Variants in APBA2 observed in about 807,000 individuals in gnomAD.
The protein encoded by APBA2 is amyloid beta precursor protein binding family A member 2.
Under a neutral mutation model 75.0 loss-of-function variants are expected in APBA2, and 30 were observed. The observed-to-expected ratio is 0.40, with a 90% CI of 0.30 to 0.54. APBA2 has a LOEUF of 0.54. Among genes scored for constraint, APBA2 ranks in the 20% least tolerant of loss-of-function variants. APBA2 has a pLI of 0.49. For synonymous variants in APBA2, 444 were observed against 409.6 expected (o/e 1.08, Z -1.01); for missense variants, 801 against 1,016.1 (o/e 0.79, Z 2.88).
At position 29,054,871 on chromosome 15, in the gene APBA2, G is replaced by A. The variant is rs766916674; in HGVS notation, c.951+36G>A. On this transcript the variant is annotated intron_variant, in intron 4 of 14. Coordinates refer to ENST00000683413, the MANE Select transcript of APBA2 (RefSeq NM_001353788.2). This position sits in a 1 kb window ranked among gnomAD's most constrained non-coding sequence, Gnocchi z 6.1. Reference sequence around the variant, plus strand: ...GGCTGTCCTGGGGAAGGGAGCAGAGGGGCCCGAGAGCAAGGGACCTCAGGG... The same window carrying A: ...GGCTGTCCTGGGGAAGGGAGCAGAGAGGCCCGAGAGCAAGGGACCTCAGGG... 4 of 1,573,002 alleles carry A rather than the reference G, an allele frequency of 2.5e-6. No homozygotes were observed. The African/African-American group carries it at 4.0e-5, about 16-fold the overall frequency.
chr15:29,084,507 C>A (rs1322921816), intron 6 of APBA2, among the ~76,000 whole-genome samples: 1 of 152,156 alleles, frequency 6.6e-6, no homozygotes, highest in African/African-American at 2.4e-5. Flanking sequence ...TACATCATAG[C>A]CTCTTTAAAT....
chr15:28,890,161 C>G (rs548070381), intron 1 of APBA2, among the ~76,000 whole-genome samples: 1 of 152,320 alleles, frequency 6.6e-6, no homozygotes, highest in South Asian at 2.1e-4. Context: ...GCATGTAGCA[C>G]AGACCCTCAC....
At chr15:29,109,259 C>G (rs998374543) in intron 13 of APBA2, among the ~76,000 whole-genome samples, 4 of 152,192 alleles carry the variant, frequency 2.6e-5, no homozygotes, top group African/African-American at 4.8e-5. Flanking sequence ...CCATTGTTTT[C>G]TGGTGAAGCA....
intron 3 of APBA2, among the ~76,000 whole-genome samples, chr15:29,049,172 T>C (rs2041481102): frequency 6.6e-6 from 1 of 152,176 alleles, no homozygotes; most frequent in Non-Finnish European, 1.5e-5. Context: ...TGGGAAACTT[T>C]TATGAATACT....
chr15:29,098,709 G>GC lies in APBA2; in HGVS notation c.1338+136dup, dbSNP rs2043973795. The GC allele has an allele frequency of 2.8e-5, 22 of 799,340 alleles. No individual in the cohort carries two copies. In the South Asian group the frequency reaches 3.2e-4, roughly 12 times the overall value. 49.5% of individuals were successfully genotyped at this position (799,340 alleles called of 1,614,324 possible). A position where few individuals can be genotyped will look rare whatever the true frequency, so the allele number is the denominator to read the frequency against. The stretch of plus-strand genomic sequence containing the variant: ...TGCGCCCATCAACCCAAGGCCCATA[G>GC]CCCGGGCTGCGGGAGGAGCAAGGAG... On this transcript the variant is annotated intron_variant, in intron 9 of 14. Coordinates refer to ENST00000683413, the MANE Select transcript of APBA2 (RefSeq NM_001353788.2).
chr15:29,009,290 G>A (rs1169911346), intron 3 of APBA2, among the ~76,000 whole-genome samples: 2 of 152,106 alleles, frequency 1.3e-5, no homozygotes, highest in East Asian at 1.9e-4. Flanking sequence ...CTCAGAACGC[G>A]CACCTGGAGT....
chr15:29,063,710 A>AGAT (rs965414890), intron 4 of APBA2, among the ~76,000 whole-genome samples: 10 of 147,054 alleles, frequency 6.8e-5, no homozygotes, highest in East Asian at 2.1e-4. Context: ...GTGCTTGTGC[A>AGAT]GATGATGATG....
intron 6 of APBA2, among the ~76,000 whole-genome samples, chr15:29,077,549 G>A (rs527716071): frequency 3.0e-4 from 46 of 152,304 alleles, no homozygotes; most frequent in African/African-American, 1.1e-3. Context: ...CAGTGTCAGT[G>A]CCTGGGGTAC....
chr15:29,113,512 T>A (rs1373599528), intron 13 of APBA2, among the ~76,000 whole-genome samples: 1 of 152,088 alleles, frequency 6.6e-6, no homozygotes, highest in Non-Finnish European at 1.5e-5. Flanking sequence ...GCTAAGTGCC[T>A]GTCTTCCAGG....
chr15:28,888,087 A>G (rs890964235), intron 1 of APBA2, among the ~76,000 whole-genome samples: 20 of 152,048 alleles, frequency 1.3e-4, no homozygotes, highest in Non-Finnish European at 2.6e-4. Context: ...CCTAGACTCA[A>G]GTTGTGGCCT....
chr15:29,021,396 C>T (rs867225402), intron 3 of APBA2, among the ~76,000 whole-genome samples: 4 of 152,170 alleles, frequency 2.6e-5, no homozygotes, highest in South Asian at 4.2e-4. Context: ...GGCATGGTGG[C>T]GCGCGCCTGT....
chr15:28,931,318 C>G (rs2034551639), intron 2 of APBA2, among the ~76,000 whole-genome samples: 1 of 152,190 alleles, frequency 6.6e-6, no homozygotes, highest in Non-Finnish European at 1.5e-5. Flanking sequence ...CCAGTCGGTC[C>G]CCCTGTAGCT....
intron 6 of APBA2, among the ~76,000 whole-genome samples, chr15:29,081,153 A>G (rs958001042): frequency 6.6e-6 from 1 of 152,164 alleles, no homozygotes; most frequent in African/African-American, 2.4e-5. Context: ...CAGTGGGCAC[A>G]TGGGATCTGA....
At chr15:28,971,789 G>A (rs1249781033) in intron 2 of APBA2, among the ~76,000 whole-genome samples, 2 of 152,154 alleles carry the variant, frequency 1.3e-5, no homozygotes, top group African/African-American at 2.4e-5. Context: ...TCCTGAGCAA[G>A]CCACACAGAC....
intron 10 of APBA2, among the ~76,000 whole-genome samples, chr15:29,103,216 C>T (rs2044220108): frequency 6.6e-6 from 1 of 152,178 alleles, no homozygotes; most frequent in Non-Finnish European, 1.5e-5. Context: ...GCACTGAGAG[C>T]CCCCAGGTGC....
At chr15:29,023,593 A>G (rs1056572215) in intron 3 of APBA2, among the ~76,000 whole-genome samples, 1 of 149,580 alleles carries the variant, frequency 6.7e-6, no homozygotes, top group Non-Finnish European at 1.5e-5. Flanking sequence ...GTAACTGTGA[A>G]TACAGGCGTC....
chr15:29,105,687 G>A lies in APBA2; in HGVS notation c.1704+129G>A, dbSNP rs2279490. 988 of 973,138 alleles carry A rather than the reference G, an allele frequency of 1.0e-3. 8 individuals are homozygous for A. The East Asian group carries it at 0.021, about 21-fold the overall frequency. The allele number at this position is 973,138 out of a possible 1,614,324, so 60.3% of individuals were successfully genotyped here. A position where few individuals can be genotyped will look rare whatever the true frequency, so the allele number is the denominator to read the frequency against. ...TTCCTATCAGACTCCAGTGGGGCCC[G>A]GAATGTGCACCTCGCTCCTGCCTTC... On this transcript the variant is annotated intron_variant, in intron 11 of 14. Coordinates refer to ENST00000683413, the MANE Select transcript of APBA2 (RefSeq NM_001353788.2).
At chr15:29,115,535 C>G (rs2045043343) in intron 14 of APBA2, among the ~76,000 whole-genome samples, 1 of 152,152 alleles carries the variant, frequency 6.6e-6, no homozygotes, top group South Asian at 2.1e-4. Context: ...GTGAGGAAAT[C>G]CACCCGTGGA....
chr15:29,040,088 T>C (rs1566935685), intron 3 of APBA2, among the ~76,000 whole-genome samples: 1 of 152,166 alleles, frequency 6.6e-6, no homozygotes, highest in Non-Finnish European at 1.5e-5. Context: ...AAGCTGAAGA[T>C]TAGGAGGGAT....
Sources: gnomAD v4.1 joint callset for allele counts (sites outside exome capture counted in the v4.1 genomes callset) on GRCh38, gnomAD v4.1.1 for gene constraint, Gnocchi (gnomAD v3.1) non-coding constraint, MANE v1.5 for transcripts, NCBI Gene and HGNC (gene_info 2026-07-23, HGNC 2026-07-21) for gene names.